The following RBPJ variants were observed in gnomAD, a reference collection of about 807,000 sequenced individuals.
RBPJ encodes the protein recombining binding protein suppressor of hairless.
Under a neutral mutation model 67.8 loss-of-function variants are expected in RBPJ, and 9 were observed. The observed-to-expected ratio is 0.13, with a 90% CI of 0.08 to 0.23. The LOEUF (loss-of-function observed/expected upper bound fraction) is 0.23. Ranked by LOEUF, RBPJ falls within the 10% of genes least tolerant of loss-of-function variation. The pLI is 1.00. For synonymous variants in RBPJ, 198 were observed against 203.3 expected (o/e 0.97, Z 0.22); for missense variants, 305 against 595.6 (o/e 0.51, Z 5.08).
intron 1 of RBPJ, among the ~76,000 whole-genome samples, chr4:26,326,288 C>T (rs1723623197): frequency 6.6e-6 from 1 of 151,710 alleles, no homozygotes; most frequent in African/African-American, 2.4e-5. Context: ...TCTCATAGCC[C>T]CTGAGAACAT....
chr4:26,333,079 T>C (rs1382264680), intron 1 of RBPJ, among the ~76,000 whole-genome samples: 2 of 152,182 alleles, frequency 1.3e-5, no homozygotes, highest in South Asian at 2.1e-4. Context: ...GGTCCACTTA[T>C]ATGTGGATTT....
upstream of RBPJ, chr4:26,320,703 C>T: frequency 6.5e-7 from 1 of 1,536,016 alleles, no homozygotes. Flanking sequence ...TCCTCAGTCT[C>T]CACGTACGTC....
the RBPJ span, among the ~76,000 whole-genome samples, chr4:26,136,112 C>T: frequency 6.6e-6 from 1 of 152,182 alleles, no homozygotes; most frequent in African/African-American, 2.4e-5. Flanking sequence ...GACTTATTCG[C>T]TACCACAAGG....
At chr4:26,321,108 A>T in intron 1 of RBPJ, 60 bp downstream of exon 1, 1 of 1,401,600 alleles carries the variant, frequency 7.1e-7, no homozygotes, top group East Asian at 2.4e-5. Context: ...CTGGCAGCTC[A>T]CGGCGGGCAG....
At chr4:26,129,131 A>T in the RBPJ span, among the ~76,000 whole-genome samples, 1 of 152,176 alleles carries the variant, frequency 6.6e-6, no homozygotes, top group Non-Finnish European at 1.5e-5. Flanking sequence ...ATATTAGTTC[A>T]ATGAGGGAGT....
intron 1 of RBPJ, among the ~76,000 whole-genome samples, chr4:26,186,449 G>A (rs548996125): frequency 1.3e-5 from 2 of 152,296 alleles, no homozygotes; most frequent in African/African-American, 4.8e-5. Context: ...TTTGAGAAAA[G>A]AGTCATGTTT....
chr4:26,186,226 TAAG>T (rs1717254580), intron 1 of RBPJ, among the ~76,000 whole-genome samples: 2 of 146,980 alleles, frequency 1.4e-5, no homozygotes, highest in Admixed American at 1.4e-4. Context: ...GACCAATGTA[TAAG>T]AAGTCCTGGT....
At chr4:26,236,336 G>C (rs1010945678) in intron 1 of RBPJ, among the ~76,000 whole-genome samples, 1 of 152,188 alleles carries the variant, frequency 6.6e-6, no homozygotes. Context: ...CTTGTAACAA[G>C]TCGCTCCACA....
chr4:26,203,696 C>T (rs1310072550), intron 1 of RBPJ, among the ~76,000 whole-genome samples: 1 of 152,206 alleles, frequency 6.6e-6, no homozygotes, highest in Non-Finnish European at 1.5e-5. Flanking sequence ...TAGCTGCCAG[C>T]AGACCCACCA....
chr4:26,109,403 T>C, the RBPJ span, among the ~76,000 whole-genome samples: 2 of 128,852 alleles, frequency 1.6e-5, no homozygotes, highest in African/African-American at 2.9e-5. Context: ...ACTGTGCCTG[T>C]CCACCTTCCT....
chr4:26,174,050 C>T (rs753210514), intron 1 of RBPJ, among the ~76,000 whole-genome samples: 5 of 152,210 alleles, frequency 3.3e-5, no homozygotes, highest in Non-Finnish European at 7.3e-5. Flanking sequence ...ACAGGAAGGA[C>T]GCACTTACCA....
At chr4:26,269,677 C>T (rs1720816309) in intron 1 of RBPJ, among the ~76,000 whole-genome samples, 1 of 152,148 alleles carries the variant, frequency 6.6e-6, no homozygotes, top group South Asian at 2.1e-4. Flanking sequence ...ATTCTTACAG[C>T]CTCAGCCCTT....
chr4:26,137,073 G>A, the RBPJ span, among the ~76,000 whole-genome samples: 5 of 152,220 alleles, frequency 3.3e-5, no homozygotes, highest in Admixed American at 3.3e-4. Context: ...TGCCTTCTGG[G>A]ATGCTCCACT....
intron 1 of RBPJ, among the ~76,000 whole-genome samples, chr4:26,331,927 A>G (rs1322434307): frequency 6.6e-6 from 1 of 152,204 alleles, no homozygotes. Flanking sequence ...TACAACTTGA[A>G]ATTTTATACT....
chr4:26,249,327 T>C (rs1720022478), intron 1 of RBPJ, among the ~76,000 whole-genome samples: 1 of 152,140 alleles, frequency 6.6e-6, no homozygotes, highest in Non-Finnish European at 1.5e-5. Context: ...TCCCTCAAAA[T>C]GTTTATGTTA....
At chr4:26,115,626 C>T in the RBPJ span, among the ~76,000 whole-genome samples, 3 of 152,166 alleles carry the variant, frequency 2.0e-5, no homozygotes, top group African/African-American at 4.8e-5. Context: ...CTTCATGATC[C>T]ACCCGCCTCG....
At chr4:26,157,217 C>T in the RBPJ span, among the ~76,000 whole-genome samples, 1 of 151,890 alleles carries the variant, frequency 6.6e-6, no homozygotes. Flanking sequence ...ATTGCTTGAA[C>T]CCAGAAGTTC....
intron 7 of RBPJ, among the ~76,000 whole-genome samples, chr4:26,425,360 A>G (rs776563378): frequency 5.9e-5 from 9 of 152,100 alleles, no homozygotes; most frequent in Non-Finnish European, 1.2e-4. Context: ...TGAAGGCAGG[A>G]GAAGGAGAAG....
intron 5 of RBPJ, among the ~76,000 whole-genome samples, chr4:26,423,552 C>T (rs1735350533): frequency 1.3e-5 from 2 of 152,152 alleles, no homozygotes; most frequent in African/African-American, 4.8e-5. Flanking sequence ...AAAGCAAGAC[C>T]TGCTTCAAAG....
Sources: gnomAD v4.1 joint callset for allele counts (sites outside exome capture counted in the v4.1 genomes callset) on GRCh38, gnomAD v4.1.1 for gene constraint, MANE v1.5 for transcripts, NCBI Gene and HGNC (gene_info 2026-07-23, HGNC 2026-07-21) for gene names.